Variants in XKR9 observed in about 807,000 individuals in gnomAD.
XKR9 encodes the protein XK related 9.
A neutral mutation model predicts 32.0 loss-of-function variants in XKR9; 32 were observed. That is an observed-to-expected ratio of 1.00 (90% confidence interval 0.76 to 1.34). The LOEUF is 1.34. Among genes scored for constraint, XKR9 ranks in the 40% most tolerant of loss-of-function variants. XKR9 has a pLI of 0.00. For synonymous variants in XKR9, 168 were observed against 143.4 expected (o/e 1.17, Z -1.22); for missense variants, 546 against 429.7 (o/e 1.27, Z -2.39).
At chr8:70,901,219 C>G in the XKR9 span, among the ~76,000 whole-genome samples, 3 of 152,128 alleles carry the variant, frequency 2.0e-5, no homozygotes, top group Admixed American at 1.3e-4. Flanking sequence ...TTCTAGATCC[C>G]TGAGGAATCG....
the XKR9 span, among the ~76,000 whole-genome samples, chr8:70,819,447 A>G: frequency 2.0e-5 from 3 of 152,304 alleles, no homozygotes; most frequent in East Asian, 5.8e-4. Context: ...GTTTCCACCA[A>G]TGTGTCCACT....
chr8:71,008,585 G>A, the XKR9 span, among the ~76,000 whole-genome samples: 6 of 152,038 alleles, frequency 3.9e-5, no homozygotes, highest in Admixed American at 2.6e-4. Flanking sequence ...TCTAAAGATG[G>A]GGCATAGGAA....
At chr8:71,030,167 A>G in the XKR9 span, among the ~76,000 whole-genome samples, 1 of 152,124 alleles carries the variant, frequency 6.6e-6, no homozygotes, top group Non-Finnish European at 1.5e-5. Context: ...TGGCATCTTG[A>G]GTAGTGATGC....
At chr8:70,960,641 A>C in the XKR9 span, among the ~76,000 whole-genome samples, 1 of 151,980 alleles carries the variant, frequency 6.6e-6, no homozygotes, top group African/African-American at 2.4e-5. Context: ...ACCTTCGGAG[A>C]CTGAGGCGGG....
At position 70,775,948 on chromosome 8, in the gene XKR9, C is replaced by G. The variant is rs573746791; in HGVS notation, n.353-13391C>G. Among the ~76,000 whole-genome samples the G allele has an allele frequency of 3.9e-5, 6 of 152,070 alleles. No individual in the cohort carries two copies. The East Asian group carries it at 1.2e-3, about 30-fold the overall frequency. ...TTTTGTCGAGATGGGGTCTTGCCATCTTGCCCTGCCTGATCTCAAACTCCT... is the reference window on the plus strand; with the variant it reads ...TTTTGTCGAGATGGGGTCTTGCCATGTTGCCCTGCCTGATCTCAAACTCCT... On this transcript the variant is annotated intron_variant and non_coding_transcript_variant, in intron 2 of 3. Transcript: ENST00000520273.
chr8:70,964,135 T>A, the XKR9 span, among the ~76,000 whole-genome samples: 1 of 152,136 alleles, frequency 6.6e-6, no homozygotes, highest in Admixed American at 6.6e-5. Context: ...TTGAGTTAAC[T>A]TTTTTGTATA....
chr8:70,979,005 C>A, the XKR9 span, among the ~76,000 whole-genome samples: 2 of 151,906 alleles, frequency 1.3e-5, no homozygotes, highest in African/African-American at 4.8e-5. Context: ...TCAATGATAC[C>A]CTTTCTTCCA....
chr8:70,699,113 A>G (rs1459434636), intron 3 of XKR9, among the ~76,000 whole-genome samples: 1 of 152,174 alleles, frequency 6.6e-6, no homozygotes, highest in African/African-American at 2.4e-5. Flanking sequence ...AATACAACAC[A>G]CTGATGGGTC....
intron 2 of XKR9, among the ~76,000 whole-genome samples, chr8:70,776,083 T>C (rs1444191794): frequency 1.3e-5 from 2 of 152,110 alleles, no homozygotes; most frequent in African/African-American, 4.8e-5. Flanking sequence ...TGCCTCATAT[T>C]GGTATTGGGA....
intron 3 of XKR9, among the ~76,000 whole-genome samples, chr8:70,691,390 C>T (rs182699711): frequency 5.9e-5 from 9 of 152,034 alleles, no homozygotes; most frequent in East Asian, 3.9e-4. Flanking sequence ...TAGTTTCTTT[C>T]GCTGTACAGA....
chr8:70,756,088 G>A (rs1807221181), intron 2 of XKR9, among the ~76,000 whole-genome samples: 1 of 151,944 alleles, frequency 6.6e-6, no homozygotes, highest in Non-Finnish European at 1.5e-5. Flanking sequence ...TTTGCCTATG[G>A]CTATCCAGTT....
At chr8:70,840,131 C>G in the XKR9 span, among the ~76,000 whole-genome samples, 5 of 152,236 alleles carry the variant, frequency 3.3e-5, no homozygotes, top group East Asian at 9.6e-4. Context: ...TGACTGCTGT[C>G]AGCAGTGACC....
At chr8:70,967,048 A>G in the XKR9 span, among the ~76,000 whole-genome samples, 3 of 140,594 alleles carry the variant, frequency 2.1e-5, no homozygotes, top group African/African-American at 8.3e-5. Flanking sequence ...AAGACAGCAC[A>G]CTGATGGATC....
At chr8:70,784,458 G>C (rs571653906) in intron 2 of XKR9, among the ~76,000 whole-genome samples, 1 of 151,586 alleles carries the variant, frequency 6.6e-6, no homozygotes, top group Non-Finnish European at 1.5e-5. Context: ...TGTACCTATT[G>C]TAAGTGGGAT....
At chr8:70,895,015 G>T in the XKR9 span, among the ~76,000 whole-genome samples, 1 of 152,104 alleles carries the variant, frequency 6.6e-6, no homozygotes, top group Non-Finnish European at 1.5e-5. Flanking sequence ...GTATAATATT[G>T]GTTTCTTCTC....
the XKR9 span, among the ~76,000 whole-genome samples, chr8:71,001,663 G>A: frequency 1.3e-5 from 2 of 152,144 alleles, no homozygotes; most frequent in Admixed American, 6.5e-5. Flanking sequence ...GAGTTAGTTA[G>A]CATTTAGCTG....
chr8:71,021,519 T>C, the XKR9 span, among the ~76,000 whole-genome samples: 3 of 112,796 alleles, frequency 2.7e-5, no homozygotes, highest in Non-Finnish European at 4.0e-5. Flanking sequence ...TTTTTTTTTT[T>C]TGAGACGGAG....
intron 1 of XKR9, among the ~76,000 whole-genome samples, chr8:70,670,290 C>G (rs961977333): frequency 6.6e-6 from 1 of 152,122 alleles, no homozygotes; most frequent in Non-Finnish European, 1.5e-5. Context: ...GTTTTGTGCC[C>G]AAGATGGAAG....
chr8:70,946,939 C>T, the XKR9 span, among the ~76,000 whole-genome samples: 1 of 152,036 alleles, frequency 6.6e-6, no homozygotes, highest in African/African-American at 2.4e-5. Flanking sequence ...ACTTTACAGC[C>T]GAAAGAAGTG....
Sources: gnomAD v4.1 joint callset for allele counts (sites outside exome capture counted in the v4.1 genomes callset) on GRCh38, gnomAD v4.1.1 for gene constraint, MANE v1.5 for transcripts, NCBI Gene and HGNC (gene_info 2026-07-23, HGNC 2026-07-21) for gene names.